Variants in TMEM132D observed in about 807,000 individuals in gnomAD.
TMEM132D encodes the protein mature OL transmembrane protein.
TMEM132D carries 21 observed loss-of-function variants against 62.3 expected under a neutral mutation model. The ratio of observed to expected loss-of-function variants is 0.34; its 90% confidence interval spans 0.24 to 0.49. The LOEUF is 0.49. Among genes scored for constraint, TMEM132D ranks in the 20% least tolerant of loss-of-function variants. The pLI is 0.99. For missense variants in TMEM132D, 1,346 were observed against 1,402.8 expected (o/e 0.96, Z 0.65); for synonymous variants, 621 against 575.6 (o/e 1.08, Z -1.13).
intron 2 of TMEM132D, among the ~76,000 whole-genome samples, chr12:129,560,256 T>G (rs1471104807): frequency 7.6e-6 from 1 of 131,270 alleles, no homozygotes; most frequent in African/African-American, 2.9e-5. Flanking sequence ...TTGTAGTTTT[T>G]TTGCTTTTGT....
chr12:129,133,899 A>C lies in TMEM132D; in HGVS notation c.1444-49197T>G, dbSNP rs541662305. 5.3e-5 allele frequency among the ~76,000 whole-genome samples: 8 copies of C among 152,332 alleles called. No individual in the cohort carries two copies. The East Asian group carries it at 1.5e-3, about 29-fold the overall frequency. On this transcript the variant is annotated intron_variant, in intron 5 of 8. Transcript: ENST00000422113. ...AAATGCTCTTTCCTCCGGAGTTGGTACACTGGTAGAATGCACGCTTGGAGC... is the reference window on the plus strand; with the variant it reads ...AAATGCTCTTTCCTCCGGAGTTGGTCCACTGGTAGAATGCACGCTTGGAGC...
intron 4 of TMEM132D, among the ~76,000 whole-genome samples, chr12:129,226,930 A>G (rs1485756667): frequency 6.6e-6 from 1 of 152,118 alleles, no homozygotes; most frequent in East Asian, 1.9e-4. Flanking sequence ...GCCTGAAGAA[A>G]TCTCCTGTAT....
At chr12:129,519,733 T>G in intron 3 of TMEM132D, among the ~76,000 whole-genome samples, 1 of 152,002 alleles carries the variant, frequency 6.6e-6, no homozygotes, top group South Asian at 2.1e-4. Flanking sequence ...CTCAGCCTCC[T>G]GAGTAGCTGG....
At chr12:129,355,965 C>A (rs936492115) in intron 3 of TMEM132D, among the ~76,000 whole-genome samples, 1 of 152,080 alleles carries the variant, frequency 6.6e-6, no homozygotes, top group East Asian at 1.9e-4. Context: ...AGAGCCACCC[C>A]CGACGGGATC....
intron 1 of TMEM132D, among the ~76,000 whole-genome samples, chr12:129,754,079 G>A (rs994717132): frequency 6.6e-6 from 1 of 152,164 alleles, no homozygotes; most frequent in African/African-American, 2.4e-5. Context: ...ATTATCCCAA[G>A]TCTTAGAGAT....
At chr12:129,834,402 T>C (rs1872937112) in intron 1 of TMEM132D, among the ~76,000 whole-genome samples, 2 of 152,072 alleles carry the variant, frequency 1.3e-5, no homozygotes, top group South Asian at 2.1e-4. Context: ...TTTCTCAAGA[T>C]AGCCATTGGA....
intron 1 of TMEM132D, among the ~76,000 whole-genome samples, chr12:129,808,338 TA>T (rs1285535375): frequency 6.6e-6 from 1 of 152,080 alleles, no homozygotes; most frequent in Non-Finnish European, 1.5e-5. Flanking sequence ...ACTCACATAT[TA>T]AAAGAAAAAC....
intron 2 of TMEM132D, among the ~76,000 whole-genome samples, chr12:129,580,735 A>AATC (rs374127717): frequency 0.32 from 48,250 of 151,198 alleles, 8,602 homozygotes; most frequent in Non-Finnish European, 0.4. Context: ...AAATAAAAAT[A>AATC]AATAAATAAA....
At chr12:129,518,668 A>G (rs1327358894) in intron 3 of TMEM132D, among the ~76,000 whole-genome samples, 2 of 152,094 alleles carry the variant, frequency 1.3e-5, no homozygotes, top group African/African-American at 4.8e-5. Context: ...GCCTTTTTTA[A>G]CATACCAGTA....
At chr12:129,077,709 A>T (rs1436904660) in intron 8 of TMEM132D, among the ~76,000 whole-genome samples, 1 of 151,906 alleles carries the variant, frequency 6.6e-6, no homozygotes, top group African/African-American at 2.4e-5. Context: ...ACATATGCAC[A>T]CATACAAACA....
intron 2 of TMEM132D, among the ~76,000 whole-genome samples, chr12:129,668,492 T>C (rs911094555): frequency 3.3e-5 from 5 of 151,614 alleles, no homozygotes; most frequent in African/African-American, 1.2e-4. Context: ...ACTTTAAAAA[T>C]TGTGCCATTG....
chr12:129,861,864 C>G (rs1667769179), intron 1 of TMEM132D, among the ~76,000 whole-genome samples: 2 of 151,978 alleles, frequency 1.3e-5, no homozygotes, highest in Admixed American at 1.3e-4. Context: ...CTAAGATTGG[C>G]CTTTTGAGAT....
Position 129,800,548 on chromosome 12 carries a change from C to G in TMEM132D, c.80-99850G>C, listed in dbSNP as rs113287195. ...CTCTATTAGTGTTACAAAAGGGGAG[C>G]AGTGGAGGCCATAGAATCCTATAAT... On this transcript the variant is annotated intron_variant, in intron 1 of 8. Coordinates refer to ENST00000422113, the MANE Select transcript of TMEM132D (RefSeq NM_133448.3). Among the ~76,000 whole-genome samples, 893 of 152,196 alleles carry G rather than the reference C, an allele frequency of 5.9e-3. 10 individuals are homozygous for G. The highest frequency in any genetic ancestry group is 0.021 in the African/African-American group (852 of 41,502).
At chr12:129,136,803 A>G (rs984265101) in intron 5 of TMEM132D, among the ~76,000 whole-genome samples, 61 of 149,890 alleles carry the variant, frequency 4.1e-4, no homozygotes, top group Non-Finnish European at 6.2e-4. Flanking sequence ...CACCATCATC[A>G]CCATCATCAT....
At chr12:129,406,101 G>T (rs1871775769) in intron 3 of TMEM132D, among the ~76,000 whole-genome samples, 1 of 152,156 alleles carries the variant, frequency 6.6e-6, no homozygotes, top group South Asian at 2.1e-4. Flanking sequence ...TATTGTACAT[G>T]TTAAGACATA....
chr12:129,108,610 A>C (rs1875579353), intron 5 of TMEM132D, among the ~76,000 whole-genome samples: 1 of 151,760 alleles, frequency 6.6e-6, no homozygotes, highest in Non-Finnish European at 1.5e-5. Context: ...GTTCATTCAG[A>C]CTCTTCTATC....
chr12:129,767,907 A>G (rs542455060), intron 1 of TMEM132D, among the ~76,000 whole-genome samples: 17 of 152,340 alleles, frequency 1.1e-4, no homozygotes, highest in African/African-American at 4.1e-4. Context: ...CAGTCATGGC[A>G]GAAGGCAAGG....
intron 1 of TMEM132D, among the ~76,000 whole-genome samples, chr12:129,798,176 G>T (rs1871622528): frequency 2.0e-5 from 3 of 152,170 alleles, no homozygotes; most frequent in African/African-American, 7.2e-5. Context: ...CCAGCACCAT[G>T]CTTCCTGTAC....
intron 1 of TMEM132D, among the ~76,000 whole-genome samples, chr12:129,716,758 A>G (rs264477): frequency 0.27 from 41,711 of 152,014 alleles, 6,153 homozygotes; most frequent in Middle Eastern, 0.37. Flanking sequence ...TGGAAGAGGG[A>G]GGTAGGAGTG....
Sources: allele counts gnomAD v4.1 joint callset (sites outside exome capture counted in the v4.1 genomes callset), GRCh38; gene constraint gnomAD v4.1.1; transcripts MANE v1.5; gene names NCBI Gene and HGNC (gene_info 2026-07-23, HGNC 2026-07-21).